SLC4A4: variants seen among roughly 807,000 people sequenced by gnomAD.
SLC4A4 encodes solute carrier family 4 member 4.
SLC4A4 carries 27 observed loss-of-function variants against 111.5 expected under a neutral mutation model. That is an observed-to-expected ratio of 0.24 (90% confidence interval 0.18 to 0.33). The LOEUF (loss-of-function observed/expected upper bound fraction) is 0.33. Ranked by LOEUF, SLC4A4 falls within the 10% of genes least tolerant of loss-of-function variation. The pLI is 1.00. For synonymous variants in SLC4A4, 443 were observed against 463.4 expected (o/e 0.96, Z 0.57); for missense variants, 909 against 1,315.5 (o/e 0.69, Z 4.78).
intron 1 of SLC4A4, 197 bp from the exon 2 acceptor site, chr4:71,236,379 T>G: frequency 1.3e-6 from 1 of 784,854 alleles, no homozygotes; most frequent in Non-Finnish European, 1.9e-6. Flanking sequence ...GAACTGAAGC[T>G]ATGTGGGACC....
chr4:71,172,576 A>G (rs1489632459), intron 2 of SLC4A4, among the ~76,000 whole-genome samples: 1 of 152,216 alleles, frequency 6.6e-6, no homozygotes, highest in Admixed American at 6.5e-5. Context: ...TTTCTGACAA[A>G]TGTTTGCAGA....
chr4:71,216,101 G>T (rs1718416873), intron 1 of SLC4A4, among the ~76,000 whole-genome samples: 2 of 151,962 alleles, frequency 1.3e-5, no homozygotes, highest in African/African-American at 4.8e-5. Context: ...TAGAGACGGG[G>T]TTTCACCATG....
intron 7 of SLC4A4, among the ~76,000 whole-genome samples, chr4:71,398,939 C>T (rs1349042219): frequency 6.6e-6 from 1 of 152,136 alleles, no homozygotes; most frequent in Admixed American, 6.5e-5. Context: ...GGTTTCATAT[C>T]CATGGATTCA....
upstream of SLC4A4, among the ~76,000 whole-genome samples, chr4:71,185,027 C>T (rs1745407365): frequency 6.6e-6 from 1 of 152,190 alleles, no homozygotes; most frequent in African/African-American, 2.4e-5. Flanking sequence ...TCCCACCCCA[C>T]AAACCAACTT....
Position 71,571,911 on chromosome 4 carries a change from CTAA to C in SLC4A4, c.*4164_*4166del. On this transcript the variant is annotated 3_prime_UTR_variant, in exon 26 of 26. Coordinates refer to ENST00000264485, the MANE Select transcript of SLC4A4 (RefSeq NM_001098484.3). The stretch of plus-strand genomic sequence containing the variant: ...GAACAGAAAACATTTCAATATATTA[CTAA>C]TAACTTTTTCCAATATAAATCCTAA... 1 of 152,236 alleles carries C rather than the reference CTAA, an allele frequency of 6.6e-6. No individual in the cohort carries two copies. Among genetic ancestry groups the C allele is most frequent in the Non-Finnish European group, 1.5e-5 (1 of 67,848 alleles). The allele number at this position is 152,236 out of a possible 1,614,324, so 9.4% of individuals were successfully genotyped here. A position where few individuals can be genotyped will look rare whatever the true frequency, so the allele number is the denominator to read the frequency against.
intron 14 of SLC4A4, among the ~76,000 whole-genome samples, chr4:71,477,578 C>T (rs976623371): frequency 3.3e-5 from 5 of 151,590 alleles, no homozygotes; most frequent in African/African-American, 1.2e-4. Flanking sequence ...CATTGAATCT[C>T]GAGGCTACAA....
chr4:71,122,804 A>G (rs1479382669), intron 2 of SLC4A4, among the ~76,000 whole-genome samples: 3 of 152,128 alleles, frequency 2.0e-5, no homozygotes, highest in South Asian at 2.1e-4. Context: ...TGATTAAAAC[A>G]CTGTTCGTAT....
chr4:71,385,927 T>C (rs2148958976), intron 6 of SLC4A4, among the ~76,000 whole-genome samples: 1 of 152,260 alleles, frequency 6.6e-6, no homozygotes, highest in South Asian at 2.1e-4. Context: ...TATATCTCTT[T>C]TTTTCTTAGT....
chr4:71,545,824 G>A (rs966183292), intron 18 of SLC4A4, among the ~76,000 whole-genome samples: 5 of 151,984 alleles, frequency 3.3e-5, no homozygotes, highest in African/African-American at 9.7e-5. Flanking sequence ...ACTACTCAGC[G>A]CTGTCCAGTA....
intron 22 of SLC4A4, among the ~76,000 whole-genome samples, chr4:71,558,761 T>G (rs550156432): frequency 6.6e-6 from 1 of 152,058 alleles, no homozygotes; most frequent in African/African-American, 2.4e-5. Context: ...TTGAAATTTT[T>G]TTCGTCCAAG....
At chr4:71,063,251 A>C (rs781708269) in intron 1 of SLC4A4, among the ~76,000 whole-genome samples, 1 of 152,214 alleles carries the variant, frequency 6.6e-6, no homozygotes, top group Non-Finnish European at 1.5e-5. Flanking sequence ...TTTACGAATA[A>C]TACAATTTAA....
At position 71,313,356 on chromosome 4, in the gene SLC4A4, A is replaced by G. The variant is rs183497914; in HGVS notation, c.254-26014A>G. Among the ~76,000 whole-genome samples the G allele has an allele frequency of 7.3e-4, 111 of 152,306 alleles. 2 individuals carry two copies. The highest frequency in any genetic ancestry group is 5.9e-3 in the Admixed American group (90 of 15,302). On this transcript the variant is annotated intron_variant, in intron 3 of 25. Transcript: ENST00000264485. Reference sequence around the variant, plus strand: ...TCGTGAAAATGGCCATATGGCCCAGAGTAATTTATAGATTCAGTGCTATCC... The same window carrying G: ...TCGTGAAAATGGCCATATGGCCCAGGGTAATTTATAGATTCAGTGCTATCC...
intron 1 of SLC4A4, among the ~76,000 whole-genome samples, chr4:71,199,719 G>A (rs1008867041): frequency 2.0e-5 from 3 of 151,796 alleles, no homozygotes; most frequent in Admixed American, 6.6e-5. Context: ...GCGCAATCTC[G>A]GCTCACTGCA....
intron 2 of SLC4A4, among the ~76,000 whole-genome samples, chr4:71,116,127 T>C (rs377553566): frequency 6.6e-6 from 1 of 152,296 alleles, no homozygotes; most frequent in East Asian, 1.9e-4. Context: ...ATTCCTGACC[T>C]CACGTGGTCC....
chr4:71,357,114 C>T lies in SLC4A4; in HGVS notation c.657C>T (p.Ser219=), dbSNP rs755354047. The part of the protein sequence containing the change: ...LRKHRHQTKK[S]NLRSLADIGK... The stretch of plus-strand genomic sequence containing the variant: ...AGCACCGGCATCAAACCAAGAAATC[C>T]AACCTTCGGTCCCTGGCTGACATTG... Residue 219 remains serine, a synonymous_variant, in exon 6 of 26, where the codon TCC becomes TCT. Coordinates refer to ENST00000264485, the MANE Select transcript of SLC4A4 (RefSeq NM_001098484.3). 1 of 1,614,152 alleles carries T rather than the reference C, an allele frequency of 6.2e-7. No individual in the cohort carries two copies. Among genetic ancestry groups the T allele is most frequent in the East Asian group, 2.2e-5 (1 of 44,880 alleles).
chr4:71,292,913 C>T (rs1215122702), intron 3 of SLC4A4, among the ~76,000 whole-genome samples: 2 of 140,354 alleles, frequency 1.4e-5, no homozygotes, highest in Non-Finnish European at 3.0e-5. Context: ...GCGATTTCGG[C>T]TCACTGCAAC....
intron 2 of SLC4A4, among the ~76,000 whole-genome samples, chr4:71,175,963 C>T (rs1745083238): frequency 6.6e-6 from 1 of 152,220 alleles, no homozygotes; most frequent in Non-Finnish European, 1.5e-5. Context: ...TGGCCGGGTA[C>T]TCCTCTGAGA....
intron 16 of SLC4A4, among the ~76,000 whole-genome samples, chr4:71,501,257 G>T (rs564839237): frequency 4.2e-4 from 64 of 151,922 alleles, no homozygotes; most frequent in African/African-American, 1.4e-3. Context: ...ATAGGTTGTT[G>T]TTGGTCTATA....
At chr4:71,177,373 C>A (rs1270597549) in intron 2 of SLC4A4, among the ~76,000 whole-genome samples, 1 of 151,412 alleles carries the variant, frequency 6.6e-6, no homozygotes, top group Non-Finnish European at 1.5e-5. Flanking sequence ...AATTAAAAGA[C>A]ACAGACTGGC....
Sources: allele counts gnomAD v4.1 joint callset (sites outside exome capture counted in the v4.1 genomes callset), GRCh38; gene constraint gnomAD v4.1.1; transcripts MANE v1.5; gene names NCBI Gene and HGNC (gene_info 2026-07-23, HGNC 2026-07-21).